DENND1B: variants seen among roughly 807,000 people sequenced by gnomAD.
DENND1B encodes DENN domain-containing protein 1B.
Under a neutral mutation model 90.1 loss-of-function variants are expected in DENND1B, and 59 were observed. The observed-to-expected ratio is 0.65, with a 90% CI of 0.53 to 0.81. The LOEUF (loss-of-function observed/expected upper bound fraction) is 0.81. DENND1B is among the 40% of genes least tolerant of loss of function. The probability of loss-of-function intolerance (pLI) is 0.00; values close to 1 mark genes in which losing one functional copy is unlikely to be tolerated. For synonymous variants in DENND1B, 337 were observed against 324.6 expected, an observed-to-expected ratio of 1.04 and a Z score of -0.41; for missense variants, 862 against 912.6, an observed-to-expected ratio of 0.94 and a Z score of 0.71.
intron 18 of DENND1B, among the ~76,000 whole-genome samples, chr1:197,541,921 G>C (rs539641884): frequency 2.0e-5 from 3 of 152,126 alleles, no homozygotes; most frequent in Non-Finnish European, 4.4e-5. Context: ...ATGCTCTTTA[G>C]TATACAGAGT....
intron 2 of DENND1B, 101 bp from the exon 3 acceptor site, chr1:197,715,175 T>C: frequency 1.2e-6 from 1 of 834,076 alleles, no homozygotes; most frequent in Non-Finnish European, 1.9e-6. Context: ...CTACTTTAAT[T>C]ACAACATTTA....
intron 5 of DENND1B, among the ~76,000 whole-genome samples, chr1:197,670,014 T>C (rs1454993562): frequency 6.6e-6 from 1 of 152,100 alleles, no homozygotes; most frequent in Non-Finnish European, 1.5e-5. Context: ...TAAAAATAAT[T>C]TGATTATTGT....
At chr1:197,775,066 G>C (rs1307791777) in intron 1 of DENND1B, 73 bp downstream of exon 1, 11 of 1,063,154 alleles carry the variant, frequency 1.0e-5, no homozygotes, top group African/African-American at 1.7e-5. Context: ...CGGAGGCGCG[G>C]AGGAGCCGAG....
intron 10 of DENND1B, among the ~76,000 whole-genome samples, chr1:197,634,922 G>A (rs1225428272): frequency 6.6e-6 from 1 of 152,136 alleles, no homozygotes; most frequent in Non-Finnish European, 1.5e-5. Flanking sequence ...AGATCTGCGG[G>A]CAGAAGCTGC....
chr1:197,763,590 T>C (rs970936805), intron 2 of DENND1B, among the ~76,000 whole-genome samples: 2 of 152,234 alleles, frequency 1.3e-5, no homozygotes, highest in African/African-American at 2.4e-5. Context: ...CTTCATCAGA[T>C]GCAACTATTT....
At chr1:197,667,641 C>T (rs893182578) in intron 5 of DENND1B, among the ~76,000 whole-genome samples, 1 of 151,974 alleles carries the variant, frequency 6.6e-6, no homozygotes, top group Non-Finnish European at 1.5e-5. Flanking sequence ...CCTCGTAATC[C>T]GCCCGCCTCG....
At chr1:197,559,270 C>T (rs1297945747) in intron 15 of DENND1B, among the ~76,000 whole-genome samples, 1 of 151,942 alleles carries the variant, frequency 6.6e-6, no homozygotes, top group Non-Finnish European at 1.5e-5. Flanking sequence ...ATTCTAGTAT[C>T]ATTTTAAAAG....
At position 197,652,239 on chromosome 1, in the gene DENND1B, C is replaced by T. The variant is rs747740394; in HGVS notation, c.443G>A (p.Ser148Asn). The change falls in exon 7 of 23, where the codon AGT becomes AAT. Residue 148 changes from serine (S) to asparagine (N), a missense_variant. Physicochemically the swap from Ser to Asn is conservative, Grantham distance 46. Coordinates refer to ENST00000620048, the MANE Select transcript of DENND1B (RefSeq NM_001195215.2). ...AATTACTGATTGAATACTTACCACACTCAAATTTACAGGAGTATTTGCCTT... is the reference window on the plus strand; with the variant it reads ...AATTACTGATTGAATACTTACCACATTCAAATTTACAGGAGTATTTGCCTT... ...VPKANTPVNL[S>N]VNQEIFIACE... 11 of 1,609,750 alleles carry T rather than the reference C, an allele frequency of 6.8e-6. No homozygotes were observed. In the East Asian group the frequency reaches 1.6e-4, roughly 23 times the overall value.
At chr1:197,739,370 GA>G (rs2102357094) in intron 2 of DENND1B, among the ~76,000 whole-genome samples, 2 of 152,254 alleles carry the variant, frequency 1.3e-5, no homozygotes, top group African/African-American at 4.8e-5. Context: ...ACATATACGA[GA>G]AGAAATCATA....
chr1:197,584,901 G>A (rs1040924272), intron 14 of DENND1B, among the ~76,000 whole-genome samples: 3 of 152,050 alleles, frequency 2.0e-5, no homozygotes, highest in African/African-American at 7.3e-5. Context: ...TCAAACTCCT[G>A]GGCTCAAGTG....
intron 10 of DENND1B, among the ~76,000 whole-genome samples, chr1:197,640,608 T>TG (rs1415906245): frequency 1.2e-4 from 18 of 152,142 alleles, no homozygotes; most frequent in African/African-American, 2.4e-4. Flanking sequence ...CCCTATGAGA[T>TG]TAAGGCTACT....
At chr1:197,535,733 C>G (rs1055725272) in intron 20 of DENND1B, among the ~76,000 whole-genome samples, 1 of 152,188 alleles carries the variant, frequency 6.6e-6, no homozygotes, top group Non-Finnish European at 1.5e-5. Flanking sequence ...TACTGCCCTT[C>G]CTGTGTCCTT....
At chr1:197,720,424 A>G (rs1268647410) in intron 2 of DENND1B, among the ~76,000 whole-genome samples, 1 of 151,756 alleles carries the variant, frequency 6.6e-6, no homozygotes, top group East Asian at 1.9e-4. Flanking sequence ...TCTTTTTTGT[A>G]AAGATGAGGT....
chr1:197,713,777 A>ATATTATATTATTATAATC (rs1660216735), intron 3 of DENND1B, among the ~76,000 whole-genome samples: 2 of 18,346 alleles, frequency 1.1e-4, no homozygotes, highest in African/African-American at 8.4e-4. Flanking sequence ...TTATATTATT[A>ATATTATATTATTATAATC]TATTATATTA....
At chr1:197,529,272 A>ATATG (rs1669432007) in intron 20 of DENND1B, among the ~76,000 whole-genome samples, 16 of 10,698 alleles carry the variant, frequency 1.5e-3, no homozygotes, top group Admixed American at 5.3e-3. Flanking sequence ...GTGTGTGTAT[A>ATATG]TGTATATATG....
intron 2 of DENND1B, among the ~76,000 whole-genome samples, chr1:197,751,347 T>A (rs1301792555): frequency 6.6e-6 from 1 of 152,128 alleles, no homozygotes; most frequent in Non-Finnish European, 1.5e-5. Context: ...AAGAAAGAAG[T>A]CACAAGTGAA....
At chr1:197,769,288 C>T (rs1241572099) in intron 2 of DENND1B, among the ~76,000 whole-genome samples, 1 of 152,174 alleles carries the variant, frequency 6.6e-6, no homozygotes, top group Non-Finnish European at 1.5e-5. Context: ...GCCACCAACC[C>T]CTTTACCTCT....
At chr1:197,773,448 T>C (rs768197397) in intron 1 of DENND1B, among the ~76,000 whole-genome samples, 13 of 152,212 alleles carry the variant, frequency 8.5e-5, no homozygotes, top group Admixed American at 2.6e-4. Flanking sequence ...TAGATCACCA[T>C]AAAACATTGA....
intron 3 of DENND1B, among the ~76,000 whole-genome samples, chr1:197,697,804 G>T (rs1052344914): frequency 6.6e-6 from 1 of 151,620 alleles, no homozygotes; most frequent in Non-Finnish European, 1.5e-5. Flanking sequence ...AACCAACAAA[G>T]ATCAAAAAAG....
Sources: allele counts gnomAD v4.1 joint callset (sites outside exome capture counted in the v4.1 genomes callset), GRCh38; gene constraint gnomAD v4.1.1; transcripts MANE v1.5; gene names NCBI Gene and HGNC (gene_info 2026-07-23, HGNC 2026-07-21).